VMP1: variants seen among roughly 807,000 people sequenced by gnomAD.
VMP1 encodes the protein vacuole membrane protein 1.
In VMP1, 11 loss-of-function variants were observed where a neutral mutation model predicts 56.0. The ratio of observed to expected loss-of-function variants is 0.20; its 90% CI spans 0.12 to 0.32. The LOEUF (loss-of-function observed/expected upper bound fraction) is 0.32, where lower values mean the gene tolerates loss of function less well. VMP1 is among the 10% of genes least tolerant of loss of function. VMP1 has a pLI of 1.00. For synonymous variants in VMP1, 149 were observed against 165.0 expected, an observed-to-expected ratio of 0.90 and a Z score of 0.74; for missense variants, 296 against 490.3, an observed-to-expected ratio of 0.60 and a Z score of 3.74.
At chr17:59,707,840 G>A (rs1041338849) in intron 1 of VMP1, 92 bp downstream of exon 1, 1 of 152,306 alleles carries the variant, frequency 6.6e-6, no homozygotes, top group African/African-American at 2.4e-5. Flanking sequence ...TAGGCATTGC[G>A]GATCTGGGGC....
chr17:59,713,712 AAGAG>A (rs903244573), intron 1 of VMP1, among the ~76,000 whole-genome samples: 1 of 150,374 alleles, frequency 6.7e-6, no homozygotes, highest in Non-Finnish European at 1.5e-5. Context: ...TGTTAAAAAA[AAGAG>A]AGACTTTTTT....
intron 7 of VMP1, among the ~76,000 whole-genome samples, chr17:59,798,118 G>A (rs2037508114): frequency 6.6e-6 from 1 of 152,126 alleles, no homozygotes; most frequent in Non-Finnish European, 1.5e-5. Flanking sequence ...ATGCTTTACT[G>A]TATACGTTAT....
intron 2 of VMP1, among the ~76,000 whole-genome samples, chr17:59,733,594 C>T (rs780843541): frequency 3.3e-5 from 5 of 151,984 alleles, no homozygotes; most frequent in Admixed American, 6.6e-5. Flanking sequence ...CCCAGCTACT[C>T]GGGAAGCTCA....
chr17:59,816,746 T>G (rs2038247028), intron 9 of VMP1, among the ~76,000 whole-genome samples: 1 of 149,570 alleles, frequency 6.7e-6, no homozygotes. Context: ...GAGACCATCC[T>G]GGCCTCCTGG....
At chr17:59,768,172 T>A (rs1010779150) in intron 6 of VMP1, among the ~76,000 whole-genome samples, 1 of 152,178 alleles carries the variant, frequency 6.6e-6, no homozygotes, top group South Asian at 2.1e-4. Context: ...TGTCAATAAA[T>A]ACTGATTAAT....
chr17:59,715,155 A>C (rs2034103936), intron 1 of VMP1, among the ~76,000 whole-genome samples: 2 of 152,140 alleles, frequency 1.3e-5, no homozygotes, highest in Non-Finnish European at 2.9e-5. Context: ...CATTTCTATA[A>C]ATATTTGAAT....
intron 1 of VMP1, chr17:59,708,087 G>GT (rs2033753141): frequency 1.3e-5 from 2 of 152,258 alleles, no homozygotes; most frequent in Admixed American, 1.3e-4. Context: ...AGTAAGTGGA[G>GT]AAGGTCTTCC....
At chr17:59,809,070 G>T (rs2037949898) in intron 8 of VMP1, among the ~76,000 whole-genome samples, 194 bp downstream of exon 8, 1 of 151,476 alleles carries the variant, frequency 6.6e-6, no homozygotes, top group South Asian at 2.1e-4. Context: ...CATGATCTCG[G>T]CTCACTGCAA....
intron 1 of VMP1, among the ~76,000 whole-genome samples, chr17:59,709,819 A>G (rs2143680071): frequency 1.3e-5 from 2 of 152,304 alleles, no homozygotes; most frequent in South Asian, 4.1e-4. Flanking sequence ...AGAACTTCCA[A>G]GTGCAGAAAA....
chr17:59,795,413 G>C (rs1485871996), intron 7 of VMP1, among the ~76,000 whole-genome samples: 1 of 139,784 alleles, frequency 7.2e-6, no homozygotes, highest in Non-Finnish European at 1.5e-5. Flanking sequence ...CACTGTGCCT[G>C]GCCGATAATT....
intron 10 of VMP1, among the ~76,000 whole-genome samples, chr17:59,819,930 T>C (rs1245396017): frequency 6.6e-6 from 1 of 152,206 alleles, no homozygotes; most frequent in Non-Finnish European, 1.5e-5. Context: ...GTACCTTCTG[T>C]TTCCCCAGCC....
chr17:59,794,980 A>C (rs1183481991), intron 7 of VMP1, among the ~76,000 whole-genome samples: 1 of 148,400 alleles, frequency 6.7e-6, no homozygotes, highest in Non-Finnish European at 1.5e-5. Flanking sequence ...GTTGGCACTA[A>C]AAGGCAGATT....
chr17:59,838,718 C>T (rs1037635224), intron 11 of VMP1: 1 of 237,368 alleles, frequency 4.2e-6, no homozygotes, highest in South Asian at 5.9e-5. Context: ...AAAGTTAAAA[C>T]TTACAGCATA....
At chr17:59,799,170 T>C (rs2037550987) in intron 7 of VMP1, among the ~76,000 whole-genome samples, 1 of 152,242 alleles carries the variant, frequency 6.6e-6, no homozygotes, top group Non-Finnish European at 1.5e-5. Context: ...TTGATAGATA[T>C]GAGAACTTAT....
At chr17:59,808,602 G>T (rs918995679) in intron 7 of VMP1, among the ~76,000 whole-genome samples, 194 bp from the exon 8 acceptor site, 4 of 152,164 alleles carry the variant, frequency 2.6e-5, no homozygotes, top group African/African-American at 9.7e-5. Context: ...TGTGGTAAGA[G>T]CTTAACTTTA....
At chr17:59,838,181 C>A in intron 10 of VMP1, 114 bp from the exon 11 acceptor site, 1 of 513,150 alleles carries the variant, frequency 1.9e-6, no homozygotes. Flanking sequence ...TATTCCTCTT[C>A]CTATCCAATC....
At chr17:59,801,059 G>C (rs974267614) in intron 7 of VMP1, among the ~76,000 whole-genome samples, 2 of 137,106 alleles carry the variant, frequency 1.5e-5, no homozygotes, top group African/African-American at 5.3e-5. Flanking sequence ...CATCCTGGGC[G>C]ACAGAGCAAG....
rs576939310 is a variant in VMP1, at chr17:59,749,418, C to T, written c.414+10471C>T. On this transcript the variant is annotated intron_variant, in intron 5 of 11. Coordinates refer to ENST00000262291, the MANE Select transcript of VMP1 (RefSeq NM_030938.5). ...GGATAGGCCCTGATAAACCTGCAGG[C>T]TTTGAATTTGAACTCTAAAGGGCCA... Among the ~76,000 whole-genome samples, 10 of 151,994 alleles carry T rather than the reference C, an allele frequency of 6.6e-5. No homozygotes were observed. The South Asian group carries it at 2.1e-3, about 32-fold the overall frequency.
rs893152141 is a variant in VMP1 at position 59,840,841 on chromosome 17, A to G, written c.*930A>G. ...AAACAGGAGAGGAGAAATATCTCAT[A>G]CAAGTGAAAGGATACTGGAGAGAGA... On this transcript the variant is annotated 3_prime_UTR_variant, in exon 12 of 12. Coordinates refer to ENST00000262291, the MANE Select transcript of VMP1 (RefSeq NM_030938.5). 6.5e-6 allele frequency: 1 copy of G among 152,940 alleles called. No individual in the cohort carries two copies. The highest frequency in any genetic ancestry group is 6.5e-5 in the Admixed American group (1 of 15,386). 9.5% of individuals were successfully genotyped at this position (152,940 alleles called of 1,614,324 possible). A position where few individuals can be genotyped will look rare whatever the true frequency, so the allele number is the denominator to read the frequency against.
Sources: gnomAD v4.1 joint callset for allele counts (sites outside exome capture counted in the v4.1 genomes callset) on GRCh38, gnomAD v4.1.1 for gene constraint, MANE v1.5 for transcripts, NCBI Gene and HGNC (gene_info 2026-07-23, HGNC 2026-07-21) for gene names.